MYO5C: variants seen among roughly 807,000 people sequenced by gnomAD.
MYO5C encodes myosin VC.
Under a neutral mutation model 235.7 loss-of-function variants are expected in MYO5C, and 194 were observed. That is an observed-to-expected ratio of 0.82 (90% CI 0.73 to 0.93). The LOEUF (loss-of-function observed/expected upper bound fraction) is 0.93, where lower values mean the gene tolerates loss of function less well. Among genes scored for constraint, MYO5C ranks in the 40% least tolerant of loss-of-function variants. MYO5C has a pLI of 0.00. For synonymous variants in MYO5C, 707 were observed against 754.8 expected, an observed-to-expected ratio of 0.94 and a Z score of 1.04; for missense variants, 2,038 against 2,127.2, an observed-to-expected ratio of 0.96 and a Z score of 0.82.
intron 30 of MYO5C, 56 bp from the exon 31 acceptor site, chr15:52,219,878 T>C: frequency 1.4e-6 from 2 of 1,396,514 alleles, no homozygotes; most frequent in Non-Finnish European, 2.0e-6. Flanking sequence ...TGCATTCTGA[T>C]TTGGGTTTGG....
chr15:52,244,624 A>G lies in MYO5C; in HGVS notation c.2179-57T>C, dbSNP rs900180263. The G allele has an allele frequency of 6.9e-6, 9 of 1,295,042 alleles. No individual in the cohort carries two copies. The African/African-American group carries it at 1.3e-4, about 19-fold the overall frequency. 80.2% of individuals were successfully genotyped at this position (1,295,042 alleles called of 1,614,324 possible). ...AAATCTGTCAGATTTTCTATAATAC[A>G]GTATTTGGAAAAGAGCTTTAGGGAT... On this transcript the variant is annotated intron_variant, in intron 18 of 40. Transcript: ENST00000261839.
At chr15:52,244,064 C>T (rs942214571) in intron 19 of MYO5C, among the ~76,000 whole-genome samples, 1 of 152,170 alleles carries the variant, frequency 6.6e-6, no homozygotes. Context: ...CCGGGCCTCT[C>T]CCTGAGCTTC....
In MYO5C at chr15:52,291,729, A is replaced by ATGTTTTT. The variant is rs2037391191; in HGVS notation, c.27+3874_27+3880dup. 1.5e-3 allele frequency among the ~76,000 whole-genome samples: 71 copies of ATGTTTTT among 46,728 alleles called. 8 individuals carry two copies. Among genetic ancestry groups the ATGTTTTT allele is most frequent in the Non-Finnish European group, 2.6e-3 (58 of 22,058 alleles). 30.7% of individuals were successfully genotyped at this position (46,728 alleles called of 152,430 possible). On this transcript the variant is annotated intron_variant, in intron 1 of 40. Transcript: ENST00000261839. Reference sequence around the variant, plus strand: ...TCTTTTTTCTTTGTTTGCATATTTTATGTTTTTTTTTTTTTTTTTTTTTTT... The same window carrying ATGTTTTT: ...TCTTTTTTCTTTGTTTGCATATTTTATGTTTTTTGTTTTTTTTTTTTTTTTTTTTTTT...
At chr15:52,205,194 C>G (rs751037079) in intron 37 of MYO5C, 47 bp from the exon 38 acceptor site, 8 of 1,592,854 alleles carry the variant, frequency 5.0e-6, no homozygotes, top group Admixed American at 3.4e-5. Flanking sequence ...GAGACACACG[C>G]GGAACGTTCC....
intron 14 of MYO5C, 49 bp from the exon 15 acceptor site, chr15:52,247,641 TACTC>T: frequency 1.3e-6 from 2 of 1,595,028 alleles, no homozygotes; most frequent in Non-Finnish European, 1.7e-6. Context: ...CTGCCCACAG[TACTC>T]ACTCATACAA....
Position 52,196,599 on chromosome 15 carries a change from T to G in MYO5C, c.4821-116A>C, listed in dbSNP as rs576570513. On this transcript the variant is annotated intron_variant, in intron 38 of 40. Coordinates refer to ENST00000261839, the MANE Select transcript of MYO5C (RefSeq NM_018728.4). The stretch of plus-strand genomic sequence containing the variant: ...ATCCTTAAGACCACAGCTCAGCAGT[T>G]ACTCATCTGCAAAATGAGGGAGTTG... 6 of 908,142 alleles carry G rather than the reference T, an allele frequency of 6.6e-6. No individual in the cohort carries two copies. In the Admixed American group the frequency reaches 1.3e-4, roughly 20 times the overall value. 56.3% of individuals were successfully genotyped at this position (908,142 alleles called of 1,614,324 possible).
chr15:52,224,834 T>C (rs2035782687), intron 28 of MYO5C, 67 bp downstream of exon 28: 7 of 1,330,334 alleles, frequency 5.3e-6, no homozygotes, highest in Non-Finnish European at 5.3e-6. Context: ...AGGTAAACTT[T>C]GGACTTTCCA....
At chr15:52,246,175 C>T (rs2036339593) in intron 16 of MYO5C, 133 bp from the exon 17 acceptor site, 4 of 673,434 alleles carry the variant, frequency 5.9e-6, no homozygotes, top group South Asian at 5.4e-5. Flanking sequence ...GTTTCTATTG[C>T]ATGACCAAGA....
At chr15:52,256,512 C>A (rs1329655823) in intron 11 of MYO5C, 127 bp downstream of exon 11, 1 of 643,502 alleles carries the variant, frequency 1.6e-6, no homozygotes, top group East Asian at 2.7e-5. Context: ...GCGTGAGGCT[C>A]CTTGCATAAA....
At chr15:52,214,846 G>C (rs2035519952) in intron 32 of MYO5C, among the ~76,000 whole-genome samples, 156 bp from the exon 33 acceptor site, 1 of 151,158 alleles carries the variant, frequency 6.6e-6, no homozygotes, top group Non-Finnish European at 1.5e-5. Context: ...AGTCAGAGTT[G>C]TGCTACAATC....
chr15:52,277,760 G>A (rs1017364166), intron 4 of MYO5C: 19 of 444,254 alleles, frequency 4.3e-5, no homozygotes, highest in Admixed American at 1.7e-4. Context: ...GCACGGCACC[G>A]GGTCTCTGAT....
chr15:52,200,231 G>A (rs1566958511), intron 38 of MYO5C, among the ~76,000 whole-genome samples: 1 of 152,126 alleles, frequency 6.6e-6, no homozygotes, highest in Non-Finnish European at 1.5e-5. Context: ...CAAGTGCATT[G>A]TCCGCCTGAT....
chr15:52,246,859 C>T, intron 16 of MYO5C, 58 bp downstream of exon 16: 1 of 1,444,322 alleles, frequency 6.9e-7, no homozygotes, highest in Non-Finnish European at 9.6e-7. Flanking sequence ...AATTCTCCAA[C>T]TTTATGGCAG....
chr15:52,205,202 T>C (rs1269234769), intron 37 of MYO5C, 55 bp from the exon 38 acceptor site: 1 of 1,572,096 alleles, frequency 6.4e-7, no homozygotes, highest in Admixed American at 1.7e-5. Flanking sequence ...CGCGGAACGT[T>C]CCCGACGCTC....
intron 1 of MYO5C, among the ~76,000 whole-genome samples, chr15:52,283,373 G>A (rs992331827): frequency 1.3e-5 from 2 of 152,200 alleles, no homozygotes; most frequent in African/African-American, 2.4e-5. Flanking sequence ...AAAATGCTAC[G>A]AAAGTATTGT....
At chr15:52,229,358 C>A in intron 24 of MYO5C, 45 bp from the exon 25 acceptor site, 1 of 1,583,280 alleles carries the variant, frequency 6.3e-7, no homozygotes. Flanking sequence ...AGCATGGTGG[C>A]TGAAACCTGT....
chr15:52,235,647 G>A (rs773945391), intron 23 of MYO5C, 23 bp downstream of exon 23: 3 of 1,570,918 alleles, frequency 1.9e-6, no homozygotes, highest in Non-Finnish European at 2.6e-6. Flanking sequence ...TGAATGTCTG[G>A]ATTTGTGCCC....
intron 23 of MYO5C, among the ~76,000 whole-genome samples, chr15:52,235,375 T>G (rs534010219): frequency 6.6e-6 from 1 of 152,284 alleles, no homozygotes; most frequent in East Asian, 1.9e-4. Flanking sequence ...ACCCATTTCC[T>G]GATGCAAAAG....
Position 52,235,752 on chromosome 15 carries a change from C to G in MYO5C, c.2880G>C (p.Lys960Asn). 1 of 1,608,212 alleles carries G rather than the reference C, an allele frequency of 6.2e-7. No homozygotes were observed. Among genetic ancestry groups the G allele is most frequent in the Admixed American group, 1.7e-5 (1 of 59,446 alleles). Residue 960 changes from lysine (K) to asparagine (N), a missense_variant, in exon 23 of 41, where the codon AAG becomes AAC. Lys to Asn is a moderately conservative substitution (Grantham distance 94). Transcript: ENST00000261839. The part of the protein sequence containing the change: ...YRDAVEEKLA[K>N]LQKHNSELET... ...CCAGTTCTGAATTATGCTTCTGAAG[C>G]TTTGCCAATTTCTAGCAGAGGGAAG...
Sources: gnomAD v4.1 joint callset for allele counts (sites outside exome capture counted in the v4.1 genomes callset) on GRCh38, gnomAD v4.1.1 for gene constraint, MANE v1.5 for transcripts, NCBI Gene and HGNC (gene_info 2026-07-23, HGNC 2026-07-21) for gene names.